The following CHD7 variants were observed in gnomAD, a reference collection of about 807,000 sequenced individuals.
CHD7 encodes chromodomain helicase DNA binding protein 7.
CHD7 carries 24 observed loss-of-function variants against 307.3 expected under a neutral mutation model. That is an observed-to-expected ratio of 0.08 (90% CI 0.06 to 0.11). CHD7 has a LOEUF of 0.11. Among genes scored for constraint, CHD7 ranks in the 10% least tolerant of loss-of-function variants. The pLI, the probability that CHD7 is intolerant of heterozygous loss-of-function variation, is 1.00. For missense variants in CHD7, 3,106 were observed against 3,727.1 expected (o/e 0.83, Z 4.34); for synonymous variants, 1,363 against 1,349.9 (o/e 1.01, Z -0.21).
chr8:60,739,772 A>G (rs1808897996), intron 1 of CHD7, among the ~76,000 whole-genome samples: 2 of 152,172 alleles, frequency 1.3e-5, no homozygotes, highest in Admixed American at 1.3e-4. Context: ...CAGAATTTTT[A>G]TGTGTCTTAC....
At chr8:60,794,891 G>T in intron 3 of CHD7, 95 bp from the exon 4 acceptor site, 1 of 1,148,062 alleles carries the variant, frequency 8.7e-7, no homozygotes, top group Non-Finnish European at 1.2e-6. Flanking sequence ...TTTATCAGTT[G>T]TCATTGATAC....
At chr8:60,787,065 A>G (rs756050160) in intron 3 of CHD7, among the ~76,000 whole-genome samples, 1 of 152,144 alleles carries the variant, frequency 6.6e-6, no homozygotes, top group South Asian at 2.1e-4. Flanking sequence ...GTTAGACAAC[A>G]CCCTTAAACT....
chr8:60,709,713 G>C (rs1172703905), intron 1 of CHD7, among the ~76,000 whole-genome samples: 1 of 152,170 alleles, frequency 6.6e-6, no homozygotes, highest in East Asian at 1.9e-4. Flanking sequence ...TATTTGAGAT[G>C]ATTGATATTT....
Position 60,703,454 on chromosome 8 carries a change from G to A in CHD7, c.-175+24372G>A, listed in dbSNP as rs184569509. On this transcript the variant is annotated intron_variant, in intron 1 of 37. Coordinates refer to ENST00000423902, the MANE Select transcript of CHD7 (RefSeq NM_017780.4). Reference sequence around the variant, plus strand: ...TTGGTCAAGGTAGGGTTATGGATAGGAAATGAGAGAAGAAAACAAAACAAA... The same window carrying A: ...TTGGTCAAGGTAGGGTTATGGATAGAAAATGAGAGAAGAAAACAAAACAAA... Among the ~76,000 whole-genome samples the A allele has an allele frequency of 3.2e-3, 483 of 152,216 alleles. 4 individuals carry two copies. The highest frequency in any genetic ancestry group is 6.8e-3 in the Middle Eastern group (2 of 294).
chr8:60,845,291 G>A lies in CHD7; in HGVS notation c.5092G>A (p.Val1698Met). 3 of 1,613,760 alleles carry A rather than the reference G, an allele frequency of 1.9e-6. No homozygotes were observed. The highest frequency in any genetic ancestry group is 1.7e-6 in the Non-Finnish European group (2 of 1,179,664). The change falls in exon 23 of 38, where the codon GTG (valine) becomes ATG (methionine). Residue 1698 changes from valine to methionine, a missense_variant. Val to Met is a conservative substitution (Grantham distance 21). Transcript: ENST00000423902. ...PVPRGRKGKK[V>M]KAQSTQPVVQ... ...GCCAAGGGGAAGGAAGGGAAAGAAGGTGAAAGCCCAGAGCACACAGCCGGT... is the reference window on the plus strand; with the variant it reads ...GCCAAGGGGAAGGAAGGGAAAGAAGATGAAAGCCCAGAGCACACAGCCGGT...
intron 6 of CHD7, among the ~76,000 whole-genome samples, chr8:60,804,548 C>A (rs566588282): frequency 6.6e-6 from 1 of 152,190 alleles, no homozygotes; most frequent in African/African-American, 2.4e-5. Context: ...CCTAAGTGAA[C>A]TGTGATTTGG....
chr8:60,699,367 T>C (rs2150503917), intron 1 of CHD7, among the ~76,000 whole-genome samples: 1 of 152,324 alleles, frequency 6.6e-6, no homozygotes, highest in Non-Finnish European at 1.5e-5. Flanking sequence ...TGAGGTGATA[T>C]AACCCAATAT....
chr8:60,802,154 C>T (rs1363301191), intron 6 of CHD7, among the ~76,000 whole-genome samples: 1 of 152,224 alleles, frequency 6.6e-6, no homozygotes, highest in African/African-American at 2.4e-5. Flanking sequence ...AGTTTCTGTT[C>T]ATCTGCAAAG....
At chr8:60,784,926 T>TA (rs1484922283) in intron 3 of CHD7, among the ~76,000 whole-genome samples, 1 of 152,188 alleles carries the variant, frequency 6.6e-6, no homozygotes, top group African/African-American at 2.4e-5. Context: ...TAAATATATA[T>TA]TTTTTGTATC....
chr8:60,714,406 GCCCCCCCCCCCCCCCCCC>G (rs71245516), intron 1 of CHD7, among the ~76,000 whole-genome samples: 2 of 17,622 alleles, frequency 1.1e-4, no homozygotes, highest in Non-Finnish European at 2.4e-4. Context: ...CCGGGAGAAG[GCCCCCCCCCCCCCCCCCC>G]CCCGCCCCGC....
chr8:60,787,068 C>G (rs1327864755), intron 3 of CHD7, among the ~76,000 whole-genome samples: 1 of 152,122 alleles, frequency 6.6e-6, no homozygotes, highest in Non-Finnish European at 1.5e-5. Flanking sequence ...AGACAACACC[C>G]TTAAACTTCC....
rs773990845 is a variant in CHD7 at position 60,742,015 on chromosome 8, C to T, written c.583C>T (p.Arg195Cys). 26 of 1,613,662 alleles carry T rather than the reference C, an allele frequency of 1.6e-5. No homozygotes were observed. The East Asian group carries it at 2.5e-4, about 15-fold the overall frequency. The change falls in exon 2 of 38, where the codon CGT (arginine) becomes TGT (cysteine). Residue 195 changes from arginine to cysteine, a missense_variant. Transcript: ENST00000423902. ...HMQQMGSYMA[R>C]GDFSMQQHGQ... Reference sequence around the variant, plus strand: ...GCAGCAGATGGGCAGCTATATGGCACGTGGGGATTTTTCCATGCAGCAGCA... The same window carrying T: ...GCAGCAGATGGGCAGCTATATGGCATGTGGGGATTTTTCCATGCAGCAGCA...
At chr8:60,794,105 A>G (rs1327311955) in intron 3 of CHD7, among the ~76,000 whole-genome samples, 1 of 152,188 alleles carries the variant, frequency 6.6e-6, no homozygotes, top group African/African-American at 2.4e-5. Flanking sequence ...CTGGGCAACA[A>G]GAGTGAAACT....
At chr8:60,699,843 T>C (rs995166355) in intron 1 of CHD7, among the ~76,000 whole-genome samples, 42 of 152,090 alleles carry the variant, frequency 2.8e-4, no homozygotes, top group Non-Finnish European at 5.4e-4. Flanking sequence ...CTTTTTTTTT[T>C]TTCTTTTTCG....
chr8:60,693,775 CACA>C (rs1389606505), intron 1 of CHD7, among the ~76,000 whole-genome samples: 1 of 152,256 alleles, frequency 6.6e-6, no homozygotes, highest in Non-Finnish European at 1.5e-5. Flanking sequence ...TGTAGGTTAA[CACA>C]ACAATGTCAA....
intron 1 of CHD7, among the ~76,000 whole-genome samples, chr8:60,725,158 C>T (rs1344765093): frequency 6.6e-6 from 1 of 152,210 alleles, no homozygotes; most frequent in Non-Finnish European, 1.5e-5. Context: ...CCACAGGGCT[C>T]CCAGCTAGCA....
At chr8:60,857,028 A>G (rs534846868) in intron 34 of CHD7, 140 bp downstream of exon 34, 16 of 695,012 alleles carry the variant, frequency 2.3e-5, no homozygotes, top group Middle Eastern at 8.2e-4. Context: ...TAGTTTTACA[A>G]TAAACAGTCA....
chr8:60,738,303 C>G (rs1808809122), intron 1 of CHD7, among the ~76,000 whole-genome samples: 1 of 152,086 alleles, frequency 6.6e-6, no homozygotes, highest in Admixed American at 6.5e-5. Context: ...GTTGAAATGA[C>G]AGTATTATGC....
chr8:60,815,159 A>C (rs746982114), intron 7 of CHD7, among the ~76,000 whole-genome samples: 70 of 152,210 alleles, frequency 4.6e-4, no homozygotes, highest in Non-Finnish European at 9.4e-4. Context: ...TCAATTATAG[A>C]AGGACTAAAT....
Sources: gnomAD v4.1 joint callset for allele counts (sites outside exome capture counted in the v4.1 genomes callset) on GRCh38, gnomAD v4.1.1 for gene constraint, MANE v1.5 for transcripts, NCBI Gene and HGNC (gene_info 2026-07-23, HGNC 2026-07-21) for gene names.